The following WDPCP variants were observed in gnomAD, a reference collection of about 807,000 sequenced individuals.
WDPCP encodes WD repeat containing planar cell polarity effector.
In WDPCP, 71 loss-of-function variants were observed where a neutral mutation model predicts 93.1. The observed-to-expected ratio is 0.76, with a 90% CI of 0.63 to 0.93. The LOEUF is 0.93. Ranked by LOEUF, WDPCP falls within the 40% of genes least tolerant of loss-of-function variation. The probability of loss-of-function intolerance (pLI) is 0.00; values close to 1 mark genes in which losing one functional copy is unlikely to be tolerated. For synonymous variants in WDPCP, 315 were observed against 315.0 expected, an observed-to-expected ratio of 1.00 and a Z score of 0.00; for missense variants, 844 against 887.4, an observed-to-expected ratio of 0.95 and a Z score of 0.62.
chr2:63,720,415 T>TCAAAAAAAA (rs1167952657), intron 2 of WDPCP, among the ~76,000 whole-genome samples: 1 of 145,222 alleles, frequency 6.9e-6, no homozygotes. Flanking sequence ...AGACTCTACC[T>TCAAAAAAAA]TAAAAAAAAA....
Position 63,404,388 on chromosome 2 carries a change from T to C in WDPCP, c.1095A>G (p.Glu365=), listed in dbSNP as rs1475351110. The C allele has an allele frequency of 4.7e-5, 76 of 1,614,196 alleles. No individual in the cohort carries two copies. The highest frequency in any genetic ancestry group is 6.4e-5 in the Non-Finnish European group (75 of 1,180,022). ...GCEDSSLILY[E]THRRVTLLAQ... ...CTAAGAGAGTCACTCTACGGTGAGT[T>C]TCATAAAGAATTAGCGAAGAATCTT... Residue 365 remains glutamate, a synonymous_variant, in exon 10 of 18, where the codon GAA becomes GAG. Transcript: ENST00000272321.
At chr2:63,651,414 G>C (rs561265099) in intron 2 of WDPCP, among the ~76,000 whole-genome samples, 2 of 151,162 alleles carry the variant, frequency 1.3e-5, no homozygotes, top group Admixed American at 1.3e-4. Flanking sequence ...TTTCAATTAG[G>C]GTTTTCCAGA....
chr2:63,377,668 AT>A (rs1391837330), intron 12 of WDPCP, among the ~76,000 whole-genome samples: 1 of 151,516 alleles, frequency 6.6e-6, no homozygotes, highest in African/African-American at 2.4e-5. Flanking sequence ...ACTGCTCTAA[AT>A]TGTGTGCTAA....
chr2:63,652,452 A>C (rs979085333), intron 2 of WDPCP, among the ~76,000 whole-genome samples: 6 of 152,230 alleles, frequency 3.9e-5, no homozygotes. Context: ...GAAGAGAAGG[A>C]AAGAATTCAC....
At chr2:63,390,756 A>C (rs1038089708) in intron 10 of WDPCP, among the ~76,000 whole-genome samples, 1 of 152,210 alleles carries the variant, frequency 6.6e-6, no homozygotes, top group Non-Finnish European at 1.5e-5. Context: ...AGAATACTAT[A>C]AACACCTCTA....
intron 2 of WDPCP, among the ~76,000 whole-genome samples, chr2:63,771,480 A>G (rs933354797): frequency 2.0e-5 from 3 of 152,010 alleles, no homozygotes; most frequent in Admixed American, 1.3e-4. Context: ...AATAAATAAC[A>G]CCAATCTTAC....
intron 1 of WDPCP, among the ~76,000 whole-genome samples, chr2:63,825,555 C>T (rs901915544): frequency 1.8e-4 from 25 of 139,254 alleles, no homozygotes; most frequent in Non-Finnish European, 3.7e-4. Context: ...GTCTGTCCCA[C>T]TCTCTATTCT....
intron 1 of WDPCP, among the ~76,000 whole-genome samples, chr2:63,535,293 A>G (rs1173923991): frequency 6.6e-6 from 1 of 152,246 alleles, no homozygotes; most frequent in African/African-American, 2.4e-5. Flanking sequence ...TGCCCAAGGT[A>G]ATTTATAGAT....
chr2:63,321,337 T>C (rs936848525), intron 12 of WDPCP, among the ~76,000 whole-genome samples: 2 of 151,918 alleles, frequency 1.3e-5, no homozygotes, highest in Non-Finnish European at 2.9e-5. Flanking sequence ...TATATATATA[T>C]ATATACATTT....
In WDPCP at chr2:63,487,481, C is replaced by T. The variant is rs763858870; in HGVS notation, c.174G>A (p.Gly58=). 6.3e-7 allele frequency: 1 copy of T among 1,594,244 alleles called. No individual in the cohort carries two copies. The highest frequency in any genetic ancestry group is 1.1e-5 in the South Asian group (1 of 90,506). ...CTTTCTTGTCATAATACTGGTAGAT[C>T]CCAATGTCTCTATCTATAGAAAGGA... The part of the protein sequence containing the change: ...NTLHIADRDI[G]IYQYYDKKDP... Residue 58 remains glycine, a synonymous_variant, in exon 3 of 18, where the codon GGG becomes GGA. Coordinates refer to ENST00000272321, the MANE Select transcript of WDPCP (RefSeq NM_015910.7).
intron 1 of WDPCP, among the ~76,000 whole-genome samples, chr2:63,821,354 T>A (rs915807608): frequency 3.3e-5 from 5 of 152,136 alleles, no homozygotes; most frequent in African/African-American, 1.2e-4. Flanking sequence ...TAAATGGAAA[T>A]AACAGAATAA....
intron 2 of WDPCP, chr2:63,684,663 A>G: frequency 1.5e-6 from 1 of 688,390 alleles, no homozygotes; most frequent in Non-Finnish European, 2.8e-6. Flanking sequence ...AAGTTTGAAG[A>G]GAGATACAAG....
chr2:63,254,500 C>T (rs1680981065), intron 14 of WDPCP, among the ~76,000 whole-genome samples: 1 of 151,904 alleles, frequency 6.6e-6, no homozygotes, highest in East Asian at 1.9e-4. Flanking sequence ...ACATAGGACA[C>T]TATATTAATA....
intron 3 of WDPCP, among the ~76,000 whole-genome samples, chr2:63,638,397 T>C (rs184946754): frequency 5.1e-4 from 77 of 152,308 alleles, no homozygotes; most frequent in Non-Finnish European, 9.8e-4. Context: ...AACTTCATTG[T>C]GGTAATCATT....
chr2:63,135,556 T>C (rs1464320031), intron 17 of WDPCP, among the ~76,000 whole-genome samples: 1 of 152,130 alleles, frequency 6.6e-6, no homozygotes, highest in African/African-American at 2.4e-5. Context: ...GATCTTGAAC[T>C]CCTAACCTCA....
At chr2:63,219,191 T>C (rs1474257863) in intron 14 of WDPCP, among the ~76,000 whole-genome samples, 2 of 152,194 alleles carry the variant, frequency 1.3e-5, no homozygotes, top group Non-Finnish European at 2.9e-5. Context: ...CCTCTGGGCA[T>C]TAAGACAAAA....
chr2:63,548,454 G>T (rs1007337053), intron 1 of WDPCP, among the ~76,000 whole-genome samples: 2 of 151,458 alleles, frequency 1.3e-5, no homozygotes, highest in African/African-American at 4.9e-5. Context: ...TTCCTGAATG[G>T]CAATCAGAAA....
intron 12 of WDPCP, among the ~76,000 whole-genome samples, chr2:63,329,605 C>G (rs952221513): frequency 3.3e-5 from 5 of 152,070 alleles, no homozygotes; most frequent in Non-Finnish European, 4.4e-5. Context: ...TTTTGTATAT[C>G]AATGTTTCTC....
chr2:63,436,032 G>A (rs1228100685), intron 8 of WDPCP, among the ~76,000 whole-genome samples: 43 of 152,156 alleles, frequency 2.8e-4, no homozygotes, highest in Admixed American at 2.8e-3. Context: ...CTCTTCAGTT[G>A]AGAAGATTTT....
Sources: gnomAD v4.1 joint callset for allele counts (sites outside exome capture counted in the v4.1 genomes callset) on GRCh38, gnomAD v4.1.1 for gene constraint, MANE v1.5 for transcripts, NCBI Gene and HGNC (gene_info 2026-07-23, HGNC 2026-07-21) for gene names.